Variants in ARSL observed in about 807,000 individuals in gnomAD.
ARSL encodes arylsulfatase E (chondrodysplasia punctata 1).
Under a neutral mutation model 31.1 loss-of-function variants are expected in ARSL, and 4 were observed. That is an observed-to-expected ratio of 0.13 (90% CI 0.06 to 0.29). ARSL has a LOEUF of 0.29. ARSL is among the 10% of genes least tolerant of loss of function. The probability of loss-of-function intolerance (pLI) is 1.00; values close to 1 mark genes in which losing one functional copy is unlikely to be tolerated. For synonymous variants in ARSL, 198 were observed against 209.9 expected (o/e 0.94, Z 0.49); for missense variants, 312 against 497.8 (o/e 0.63, Z 3.55).
At position 2,943,183 on chromosome X, in the gene ARSL, A is replaced by T. The variant is rs1308905750; in HGVS notation, c.1008T>A (p.Thr336=). ...TGTTGCTCAAACCCTCCACGTCCAAAGTGTCAAGGATCCGTCCTGCAAAGA... is the reference window on the plus strand; with the variant it reads ...TGTTGCTCAAACCCTCCACGTCCAATGTGTCAAGGATCCGTCCTGCAAAGA... The part of the protein sequence containing the change: ...MDWMVGRILD[T]LDVEGLSNST... Residue 336 remains threonine (T), a synonymous_variant, in exon 8 of 11, where the codon ACT becomes ACA. Coordinates refer to ENST00000381134, the MANE Select transcript of ARSL (RefSeq NM_000047.3). 2 of 1,210,977 alleles carry T rather than the reference A, an allele frequency of 1.7e-6. No individual in the cohort carries two copies. Among genetic ancestry groups the T allele is most frequent in the East Asian group, 3.0e-5 (1 of 33,834 alleles).
intron 2 of ARSL, among the ~76,000 whole-genome samples, chrX:2,959,046 G>A (rs770752364): frequency 6.9e-4 from 77 of 111,982 alleles, no homozygotes; most frequent in Admixed American, 2.8e-3. Context: ...TTCTTGGATG[G>A]ATCGGGTCCC....
Position 2,955,449 on chromosome X carries a change from C to T in ARSL, c.274G>A (p.Ala92Thr). The T allele has an allele frequency of 8.3e-7, 1 of 1,211,796 alleles. No individual in the cohort carries two copies. Among genetic ancestry groups the T allele is most frequent in the Non-Finnish European group, 1.1e-6 (1 of 895,394 alleles). ...ACAGGGTATCTGCCCGTGAGGAAGGCGGCTCTGCTTGGGGTGCACAAAGAT... is the reference window on the plus strand; with the variant it reads ...ACAGGGTATCTGCCCGTGAGGAAGGTGGCTCTGCTTGGGGTGCACAAAGAT... The part of the protein sequence containing the change: ...AASLCTPSRA[A>T]FLTGRYPVRS... Residue 92 changes from alanine to threonine, a missense_variant, in exon 4 of 11, where the codon GCC becomes ACC. By Grantham distance (58) the Ala-to-Thr change is moderately conservative. Coordinates refer to ENST00000381134, the MANE Select transcript of ARSL (RefSeq NM_000047.3).
rs35274634 is a variant in ARSL, at chrX:2,949,663, A to G, written c.495T>C (p.His165=). The G allele has an allele frequency of 0.017, 20,576 of 1,209,964 alleles. 157 individuals carry two copies. Among genetic ancestry groups the G allele is most frequent in the Non-Finnish European group, 0.02 (17,540 of 895,213 alleles). The part of the protein sequence containing the change: ...ASDHCHHPLH[H]GFDHFYGMPF... The stretch of plus-strand genomic sequence containing the variant: ...GCATTCCGTAGAAATGGTCAAAGCC[A>G]TGATGGAGAGGGTGGTGGCAATGAT... The change falls in exon 6 of 11, where the codon CAT becomes CAC. Residue 165 remains histidine (H), a synonymous_variant. Transcript: ENST00000381134.
intron 8 of ARSL, among the ~76,000 whole-genome samples, chrX:2,939,468 G>A (rs1272153281): frequency 8.9e-6 from 1 of 112,322 alleles, no homozygotes; most frequent in African/African-American, 3.2e-5. Flanking sequence ...AGATTGGGTA[G>A]AGGATACATT....
intron 4 of ARSL, 54 bp downstream of exon 4, chrX:2,955,362 A>G: frequency 1.7e-6 from 2 of 1,202,946 alleles, no homozygotes; most frequent in Middle Eastern, 2.3e-4. Flanking sequence ...AGAACTAGAA[A>G]CTGTGACGAA....
Position 2,946,013 on chromosome X carries a change from T to C in ARSL, c.976A>G (p.Met326Val), listed in dbSNP as rs1569103888. 8.3e-7 allele frequency: 1 copy of C among 1,211,034 alleles called. No individual in the cohort carries two copies. The highest frequency in any genetic ancestry group is 1.1e-6 in the Non-Finnish European group (1 of 895,229). Residue 326 changes from methionine (M) to valine (V), a missense_variant, in exon 7 of 11, where the codon ATG (methionine) becomes GTG (valine). Transcript: ENST00000381134. ...HGLYGDNVEE[M>V]DWMVGRILDT... ...GTGCACTTACCTACCATCCAGTCCATCTCCTCTACGTTGTCCCCATACAGC... is the reference window on the plus strand; with the variant it reads ...GTGCACTTACCTACCATCCAGTCCACCTCCTCTACGTTGTCCCCATACAGC...
chrX:2,944,276 A>G (rs998067819), intron 7 of ARSL, among the ~76,000 whole-genome samples: 5 of 109,220 alleles, frequency 4.6e-5, no homozygotes, highest in South Asian at 4.0e-4. Context: ...CAACATGGTG[A>G]AACCCCATCT....
At chrX:2,936,361 CAT>C (rs1415178098) in intron 10 of ARSL, among the ~76,000 whole-genome samples, 26 of 111,364 alleles carry the variant, frequency 2.3e-4, no homozygotes, top group South Asian at 7.6e-4. Context: ...GTCTTGAACA[CAT>C]GTGTGTGCAA....
intron 9 of ARSL, among the ~76,000 whole-genome samples, 193 bp downstream of exon 9, chrX:2,937,901 GA>G (rs1353479029): frequency 8.9e-6 from 1 of 112,126 alleles, no homozygotes; most frequent in East Asian, 2.8e-4. Flanking sequence ...TCTGGTTACA[GA>G]AATAAAACTC....
chrX:2,959,918 G>GGGAA (rs1445677248), intron 2 of ARSL: 1 of 265,053 alleles, frequency 3.8e-6, no homozygotes, highest in Non-Finnish European at 6.4e-6. Flanking sequence ...AAATAAAGAA[G>GGGAA]GGAAGGAAGG....
intron 10 of ARSL, 120 bp downstream of exon 10, chrX:2,936,622 G>A (rs1460037438): frequency 7.1e-6 from 7 of 982,192 alleles, no homozygotes; most frequent in Admixed American, 2.7e-5. Flanking sequence ...ACGGAAGTGC[G>A]GAGACATGGA....
At chrX:2,944,796 G>A (rs1437229211) in intron 7 of ARSL, among the ~76,000 whole-genome samples, 1 of 111,009 alleles carries the variant, frequency 9.0e-6, no homozygotes, top group Non-Finnish European at 1.9e-5. Context: ...AGGGAATGAG[G>A]CAAGACAATC....
chrX:2,944,204 C>T (rs1359762005), intron 7 of ARSL, among the ~76,000 whole-genome samples: 1 of 108,195 alleles, frequency 9.2e-6, no homozygotes, highest in Non-Finnish European at 1.9e-5. Context: ...CCCTGTAATC[C>T]CAGCACTTTG....
At chrX:2,944,256 C>A (rs191608485) in intron 7 of ARSL, among the ~76,000 whole-genome samples, 4 of 109,074 alleles carry the variant, frequency 3.7e-5, no homozygotes, top group Non-Finnish European at 7.6e-5. Context: ...CAGTTCGAGA[C>A]CAGCCTGGCC....
At chrX:2,946,583 C>T (rs931624143) in intron 6 of ARSL, among the ~76,000 whole-genome samples, 1 of 95,242 alleles carries the variant, frequency 1.0e-5, no homozygotes, top group Admixed American at 1.3e-4. Context: ...AACTCCTCGG[C>T]TCAAGTGACC....
chrX:2,960,094 C>T (rs1462427768), intron 2 of ARSL, among the ~76,000 whole-genome samples: 6 of 99,044 alleles, frequency 6.1e-5, no homozygotes, highest in African/African-American at 2.2e-4. Context: ...ACGGTGAAAC[C>T]CCGTCTCTAC....
intron 7 of ARSL, 59 bp from the exon 8 acceptor site, chrX:2,943,258 C>A (rs141486597): frequency 1.7e-6 from 2 of 1,183,518 alleles, no homozygotes; most frequent in African/African-American, 1.8e-5. Context: ...AAATGCAGCT[C>A]TGAAGTGTAT....
At chrX:2,958,020 T>C (rs1399077794) in intron 3 of ARSL, among the ~76,000 whole-genome samples, 2 of 110,146 alleles carry the variant, frequency 1.8e-5, no homozygotes, top group Non-Finnish European at 3.8e-5. Flanking sequence ...AGACTTTGTC[T>C]CAGAGAAAAA....
chrX:2,960,293 A>G, intron 2 of ARSL, 85 bp downstream of exon 2: 3 of 489,446 alleles, frequency 6.1e-6, no homozygotes, highest in Admixed American at 4.1e-5. Context: ...AAAAAAAAAA[A>G]AGAAGAGAAA....
Sources: allele counts gnomAD v4.1 joint callset (sites outside exome capture counted in the v4.1 genomes callset), GRCh38; gene constraint gnomAD v4.1.1; transcripts MANE v1.5; gene names NCBI Gene and HGNC (gene_info 2026-07-23, HGNC 2026-07-21).